MYH11: variants seen among roughly 807,000 people sequenced by gnomAD.
The protein encoded by MYH11 is myosin-11.
A neutral mutation model predicts 246.6 loss-of-function variants in MYH11; 80 were observed. The ratio of observed to expected loss-of-function variants is 0.32; its 90% CI spans 0.27 to 0.39. MYH11 has a LOEUF of 0.39. Ranked by LOEUF, MYH11 falls within the 10% of genes least tolerant of loss-of-function variation. MYH11 has a pLI of 1.00. For missense variants in MYH11, 2,158 were observed against 2,546.8 expected (o/e 0.85, Z 3.29); for synonymous variants, 1,071 against 1,015.5 (o/e 1.05, Z -1.04).
At chr16:15,756,893 G>C (rs2041737558) in intron 13 of MYH11, among the ~76,000 whole-genome samples, 1 of 150,682 alleles carries the variant, frequency 6.6e-6, no homozygotes, top group Admixed American at 6.6e-5. Context: ...CCGCTTCCTG[G>C]GTTCACGCCA....
Position 15,750,367 on chromosome 16 carries a change from C to T in MYH11, c.1865-36G>A. On this transcript the variant is annotated intron_variant, in intron 15 of 40. Coordinates refer to ENST00000300036, the MANE Select transcript of MYH11 (RefSeq NM_002474.3). This position sits in a 1 kb window ranked among gnomAD's most constrained non-coding sequence, Gnocchi z 4.3. The stretch of plus-strand genomic sequence containing the variant: ...CAGCCAGGGTGGCATCAGCCTCTGG[C>T]CCACCCACCCCTAAATAGGCCAGAG... 1 of 1,552,118 alleles carries T rather than the reference C, an allele frequency of 6.4e-7. No homozygotes were observed.
At chr16:15,744,808 C>G (rs907870698) in intron 20 of MYH11, among the ~76,000 whole-genome samples, 2 of 152,246 alleles carry the variant, frequency 1.3e-5, no homozygotes, top group South Asian at 2.1e-4. Flanking sequence ...CGGCAGCATT[C>G]TTGAACCATC....
At chr16:15,817,473 T>C (rs2043289551) in intron 3 of MYH11, among the ~76,000 whole-genome samples, 1 of 151,868 alleles carries the variant, frequency 6.6e-6, no homozygotes, top group Admixed American at 6.6e-5. Flanking sequence ...ATCGTGCTGC[T>C]GCACTCCAGC....
chr16:15,753,195 G>A (rs529086560), intron 15 of MYH11, among the ~76,000 whole-genome samples, 199 bp downstream of exon 15: 1 of 152,222 alleles, frequency 6.6e-6, no homozygotes, highest in East Asian at 1.9e-4. Flanking sequence ...CTCGGGACAT[G>A]TAGGATTGAG....
intron 19 of MYH11, 28 bp downstream of exon 19, chr16:15,747,542 G>A: frequency 1.9e-6 from 3 of 1,614,040 alleles, no homozygotes; most frequent in South Asian, 2.2e-5. Context: ...CGCGTTTGAG[G>A]TATTAGGATG....
In MYH11 at chr16:15,715,333, T is replaced by C. The variant is rs2040067585; in HGVS notation, c.5505-61A>G. 4 of 1,550,244 alleles carry C rather than the reference T, an allele frequency of 2.6e-6. No homozygotes were observed. In the Admixed American group the frequency reaches 5.0e-5, roughly 19 times the overall value. On this transcript the variant is annotated intron_variant, in intron 38 of 40. Transcript: ENST00000300036. ...AGGGTGGCACCCCTTGTAGCTGGTG[T>C]GTCACCTGGAGGTGGCATCTTGAGT...
intron 27 of MYH11, 85 bp downstream of exon 27, chr16:15,732,479 A>G: frequency 6.3e-7 from 1 of 1,582,508 alleles, no homozygotes. Flanking sequence ...TTTTGTCTTT[A>G]TGCAGACCCT....
At chr16:15,812,551 TAAAAAAAAAAAAA>T (rs71134466) in intron 3 of MYH11, among the ~76,000 whole-genome samples, 3 of 37,400 alleles carry the variant, frequency 8.0e-5, no homozygotes, top group South Asian at 2.2e-3. Context: ...ATCTTATCTC[TAAAAAAAAAAAAA>T]AAAAAAAAAA....
chr16:15,808,035 GATC>G (rs2043054767), intron 3 of MYH11, among the ~76,000 whole-genome samples: 1 of 152,212 alleles, frequency 6.6e-6, no homozygotes, highest in South Asian at 2.1e-4. Context: ...GCTGCTGGGG[GATC>G]CAGTGAGAGG....
rs1436778681 is a variant in MYH11, at chr16:15,715,205, C to A, written c.5572G>T (p.Val1858Leu). Residue 1858 changes from valine (V) to leucine (L), a missense_variant, in exon 39 of 41, where the codon GTG (valine) becomes TTG (leucine). Physicochemically the swap from Val to Leu is conservative, Grantham distance 32. Transcript: ENST00000300036. ...TCGGCCATCTTGCGCTCGTCCTCCA[C>A]CTGCAGCAAGATTTCCTTCAGCTTC... ...DKKLKEILLQ[V>L]EDERKMAEQY... 1.2e-6 allele frequency: 2 copies of A among 1,613,994 alleles called. No individual in the cohort carries two copies. The highest frequency in any genetic ancestry group is 1.7e-6 in the Non-Finnish European group (2 of 1,180,042).
At chr16:15,767,598 A>G (rs2042011848) in intron 9 of MYH11, among the ~76,000 whole-genome samples, 1 of 152,082 alleles carries the variant, frequency 6.6e-6, no homozygotes, top group Admixed American at 6.5e-5. Context: ...CTGGGACTAC[A>G]GGCGTGAACC....
Position 15,703,817 on chromosome 16 carries a change from T to G in MYH11, c.*174A>C, listed in dbSNP as rs540298456. ...TGCCCAGGCTGGAGGGTGGTGGTTT[T>G]TATATTCCTTGTGTGAGGGGTGTCT... On this transcript the variant is annotated 3_prime_UTR_variant, in exon 41 of 41. Coordinates refer to ENST00000300036, the MANE Select transcript of MYH11 (RefSeq NM_002474.3). 47 of 882,726 alleles carry G rather than the reference T, an allele frequency of 5.3e-5. 1 individual carries two copies. In the South Asian group the frequency reaches 6.4e-4, roughly 12 times the overall value. The allele number at this position is 882,726 out of a possible 1,614,324, so 54.7% of individuals were successfully genotyped here. A position where few individuals can be genotyped will look rare whatever the true frequency, so the allele number is the denominator to read the frequency against.
intron 4 of MYH11, among the ~76,000 whole-genome samples, chr16:15,796,267 C>A (rs967226247): frequency 6.6e-6 from 1 of 152,154 alleles, no homozygotes; most frequent in Admixed American, 6.5e-5. Context: ...TTTAAGTGAA[C>A]TTTGTGCTCA....
At chr16:15,786,966 TCAGATA>T (rs1203495590) in intron 4 of MYH11, among the ~76,000 whole-genome samples, 2 of 151,998 alleles carry the variant, frequency 1.3e-5, no homozygotes, top group African/African-American at 4.8e-5. Flanking sequence ...AGAAAAGAAT[TCAGATA>T]CAAAGAGTGA....
intron 1 of MYH11, among the ~76,000 whole-genome samples, chr16:15,845,978 A>G (rs888941181): frequency 3.3e-5 from 5 of 152,250 alleles, no homozygotes; most frequent in African/African-American, 1.2e-4. Flanking sequence ...ACGTGCCTGT[A>G]GCCCCAGCTA....
chr16:15,781,973 C>T (rs980504811), intron 6 of MYH11, among the ~76,000 whole-genome samples: 3 of 152,146 alleles, frequency 2.0e-5, no homozygotes, highest in African/African-American at 7.2e-5. Flanking sequence ...GCACTCAATT[C>T]ATGTTTTGTT....
intron 6 of MYH11, among the ~76,000 whole-genome samples, chr16:15,780,667 G>C (rs28665076): frequency 6.6e-6 from 1 of 151,672 alleles, no homozygotes; most frequent in African/African-American, 2.4e-5. Flanking sequence ...ATTTTTAGTA[G>C]AGACAGGGTT....
At chr16:15,735,308 G>A (rs2041083759) in intron 26 of MYH11, 58 bp downstream of exon 26, 14 of 1,583,746 alleles carry the variant, frequency 8.8e-6, no homozygotes, top group South Asian at 1.1e-5. Flanking sequence ...CCCCTCTTCT[G>A]CCCCCATCCC....
chr16:15,741,696 G>T (rs780965369), intron 21 of MYH11, 27 bp from the exon 22 acceptor site: 4 of 1,613,962 alleles, frequency 2.5e-6, no homozygotes, highest in Non-Finnish European at 2.5e-6. Flanking sequence ...GGGAGGAGGC[G>T]GGTGAGCCCC....
Sources: allele counts gnomAD v4.1 joint callset (sites outside exome capture counted in the v4.1 genomes callset), GRCh38; gene constraint gnomAD v4.1.1; non-coding constraint Gnocchi (gnomAD v3.1); transcripts MANE v1.5; gene names NCBI Gene and HGNC (gene_info 2026-07-23, HGNC 2026-07-21).